SH3GL3: variants seen among roughly 807,000 people sequenced by gnomAD.
The protein encoded by SH3GL3 is endophilin-A3.
SH3GL3 carries 33 observed loss-of-function variants against 47.7 expected under a neutral mutation model. The ratio of observed to expected loss-of-function variants is 0.69; its 90% CI spans 0.52 to 0.92. The LOEUF is 0.92. SH3GL3 is among the 40% of genes least tolerant of loss of function. SH3GL3 has a pLI of 0.00. For missense variants in SH3GL3, 363 were observed against 417.8 expected (o/e 0.87, Z 1.14); for synonymous variants, 155 against 148.8 (o/e 1.04, Z -0.30).
intron 1 of SH3GL3, among the ~76,000 whole-genome samples, chr15:83,484,809 A>G (rs1428415470): frequency 6.6e-6 from 1 of 152,144 alleles, no homozygotes; most frequent in Admixed American, 6.5e-5. Context: ...CATGAAGCAC[A>G]TTTTCAAATA....
chr15:83,500,605 GTTGGGTCT>G (rs1255995218), intron 1 of SH3GL3, among the ~76,000 whole-genome samples: 1 of 152,256 alleles, frequency 6.6e-6, no homozygotes, highest in Non-Finnish European at 1.5e-5. Context: ...ACCCGGAAGT[GTTGGGTCT>G]TTGGCTCCTA....
At chr15:83,450,607 A>G (rs1014381747) in intron 1 of SH3GL3, among the ~76,000 whole-genome samples, 1 of 152,108 alleles carries the variant, frequency 6.6e-6, no homozygotes, top group Admixed American at 6.6e-5. Flanking sequence ...GACCAACAGG[A>G]AAGAGGAAGA....
chr15:83,496,905 A>C (rs1452368351), intron 1 of SH3GL3, among the ~76,000 whole-genome samples: 1 of 152,080 alleles, frequency 6.6e-6, no homozygotes, highest in African/African-American at 2.4e-5. Flanking sequence ...TATTTTCCCC[A>C]AGCTGGATAT....
chr15:83,613,463 C>G (rs2585056), intron 8 of SH3GL3, among the ~76,000 whole-genome samples: 18,186 of 152,082 alleles, frequency 0.12, 1,469 homozygotes, highest in Admixed American at 0.24. Flanking sequence ...ATGATTTGTT[C>G]TGTGTGTGTG....
intron 8 of SH3GL3, among the ~76,000 whole-genome samples, chr15:83,616,926 A>T (rs2060837241): frequency 6.6e-6 from 1 of 152,170 alleles, no homozygotes; most frequent in Non-Finnish European, 1.5e-5. Context: ...ACATTGTGAG[A>T]GCTGACAGCT....
chr15:83,502,362 G>A (rs969881259), intron 1 of SH3GL3, among the ~76,000 whole-genome samples: 1 of 152,194 alleles, frequency 6.6e-6, no homozygotes. Flanking sequence ...GGTGAGTGGA[G>A]GTATCCCACC....
At chr15:83,605,909 G>A (rs765172275) in intron 8 of SH3GL3, among the ~76,000 whole-genome samples, 58 of 152,174 alleles carry the variant, frequency 3.8e-4, no homozygotes, top group Middle Eastern at 3.2e-3. Context: ...AGAAAATAGT[G>A]TAGGAATTTG....
At chr15:83,473,185 A>C (rs975592976) in intron 1 of SH3GL3, among the ~76,000 whole-genome samples, 8 of 119,986 alleles carry the variant, frequency 6.7e-5, no homozygotes. Context: ...TGGAGGCGAA[A>C]GTTCAGGCTC....
intron 1 of SH3GL3, among the ~76,000 whole-genome samples, chr15:83,519,412 A>AT (rs758278285): frequency 6.6e-6 from 1 of 151,978 alleles, no homozygotes; most frequent in East Asian, 1.9e-4. Flanking sequence ...TTCGTAGGTA[A>AT]TTTTTTGTGT....
chr15:83,563,700 G>A (rs1004418726), intron 2 of SH3GL3, among the ~76,000 whole-genome samples: 48 of 152,036 alleles, frequency 3.2e-4, no homozygotes, highest in African/African-American at 1.1e-3. Context: ...GTGTAGTGGC[G>A]TGATCTCGGC....
rs1399224712 is a variant in SH3GL3 at position 83,533,830 on chromosome 15, C to T, written c.46-25423C>T. On this transcript the variant is annotated intron_variant, in intron 1 of 8. Coordinates refer to ENST00000427482, the MANE Select transcript of SH3GL3 (RefSeq NM_003027.5). ...GTCCCTGGCAGGTGTTCAGAGCTGA[C>T]TTATTCGCAGGTGTCCCATTTCCTT... 1.3e-5 allele frequency among the ~76,000 whole-genome samples: 2 copies of T among 152,204 alleles called. 1 individual carries two copies. Among genetic ancestry groups the T allele is most frequent in the African/African-American group, 4.8e-5 (2 of 41,440 alleles).
rs562844402 is a variant in SH3GL3 at position 83,541,306 on chromosome 15, A to G, written c.46-17947A>G. On this transcript the variant is annotated intron_variant, in intron 1 of 8. Coordinates refer to ENST00000427482, the MANE Select transcript of SH3GL3 (RefSeq NM_003027.5). ...CAGTGGGATGGCTGGATCATATGGTAATTCTATTTTTTTTTTTTTTTTTTT... is the reference window on the plus strand; with the variant it reads ...CAGTGGGATGGCTGGATCATATGGTGATTCTATTTTTTTTTTTTTTTTTTT... Among the ~76,000 whole-genome samples, 393 of 117,142 alleles carry G rather than the reference A, an allele frequency of 3.4e-3. 3 individuals carry two copies. The highest frequency in any genetic ancestry group is 4.5e-3 in the Non-Finnish European group (261 of 57,402). The allele number at this position is 117,142 out of a possible 152,430, so 76.8% of individuals were successfully genotyped here.
At chr15:83,502,839 C>G (rs763416893) in intron 1 of SH3GL3, among the ~76,000 whole-genome samples, 22 of 152,336 alleles carry the variant, frequency 1.4e-4, no homozygotes, top group Non-Finnish European at 2.5e-4. Flanking sequence ...ATGACTTGTT[C>G]ACACCCTTGG....
chr15:83,480,339 G>A lies in SH3GL3; in HGVS notation c.45+32761G>A, dbSNP rs959913711. ...CACTGTTTGTTCTAAAAATAAAATAGCAACCCTGTACCCAGCATACTTTAC... is the reference window on the plus strand; with the variant it reads ...CACTGTTTGTTCTAAAAATAAAATAACAACCCTGTACCCAGCATACTTTAC... On this transcript the variant is annotated intron_variant, in intron 1 of 8. Coordinates refer to ENST00000427482, the MANE Select transcript of SH3GL3 (RefSeq NM_003027.5). Among the ~76,000 whole-genome samples, 3 of 152,290 alleles carry A rather than the reference G, an allele frequency of 2.0e-5. 1 individual carries two copies. The South Asian group carries it at 6.2e-4, about 32-fold the overall frequency.
chr15:83,479,262 G>A (rs552627147), intron 1 of SH3GL3, among the ~76,000 whole-genome samples: 3 of 152,274 alleles, frequency 2.0e-5, no homozygotes, highest in East Asian at 1.9e-4. Flanking sequence ...TCTGGGCTGC[G>A]TAGCTTGCTT....
At chr15:83,598,787 C>T (rs1352843933) in intron 8 of SH3GL3, among the ~76,000 whole-genome samples, 1 of 152,060 alleles carries the variant, frequency 6.6e-6, no homozygotes, top group African/African-American at 2.4e-5. Flanking sequence ...AGAGGAGAGG[C>T]CTCCGGTTAA....
intron 1 of SH3GL3, among the ~76,000 whole-genome samples, chr15:83,481,061 A>G (rs985679242): frequency 2.0e-5 from 3 of 152,032 alleles, no homozygotes; most frequent in African/African-American, 7.3e-5. Flanking sequence ...GGATCACCTG[A>G]GGTTAGGAGT....
At chr15:83,593,844 G>A (rs1432525038) in intron 8 of SH3GL3, among the ~76,000 whole-genome samples, 2 of 151,874 alleles carry the variant, frequency 1.3e-5, no homozygotes, top group Non-Finnish European at 2.9e-5. Flanking sequence ...TTTGAGACAG[G>A]GTCTTGCCCT....
At chr15:83,633,630 C>T in the SH3GL3 span, among the ~76,000 whole-genome samples, 1 of 152,158 alleles carries the variant, frequency 6.6e-6, no homozygotes, top group East Asian at 1.9e-4. Context: ...GTTCAACCAC[C>T]CAGTGGCACC....
Sources: gnomAD v4.1 joint callset for allele counts (sites outside exome capture counted in the v4.1 genomes callset) on GRCh38, gnomAD v4.1.1 for gene constraint, MANE v1.5 for transcripts, NCBI Gene and HGNC (gene_info 2026-07-23, HGNC 2026-07-21) for gene names.